Variants in PLCE1 observed in about 807,000 individuals in gnomAD.
PLCE1 encodes the protein 1-phosphatidylinositol 4,5-bisphosphate phosphodiesterase epsilon-1.
PLCE1 carries 119 observed loss-of-function variants against 242.8 expected under a neutral mutation model. That is an observed-to-expected ratio of 0.49 (90% CI 0.42 to 0.57). PLCE1 has a LOEUF of 0.57. Ranked by LOEUF, PLCE1 falls within the 20% of genes least tolerant of loss-of-function variation. PLCE1 has a pLI of 0.00. For synonymous variants in PLCE1, 945 were observed against 1,017.4 expected, an observed-to-expected ratio of 0.93 and a Z score of 1.35; for missense variants, 2,441 against 2,788.8, an observed-to-expected ratio of 0.88 and a Z score of 2.81.
At chr10:94,131,181 G>T (rs1043292844) in intron 2 of PLCE1, among the ~76,000 whole-genome samples, 1 of 152,204 alleles carries the variant, frequency 6.6e-6, no homozygotes, top group Non-Finnish European at 1.5e-5. Context: ...CCATCAGAGA[G>T]CTGGATTACC....
intron 1 of PLCE1, among the ~76,000 whole-genome samples, 146 bp downstream of exon 1, chr10:93,994,404 C>G (rs989991578): frequency 6.6e-6 from 1 of 152,206 alleles, no homozygotes; most frequent in East Asian, 1.9e-4. Flanking sequence ...TCCCGGGGGA[C>G]CCGAGGCGGG....
intron 4 of PLCE1, among the ~76,000 whole-genome samples, chr10:94,223,561 A>T (rs143438298): frequency 6.6e-6 from 1 of 152,308 alleles, no homozygotes; most frequent in East Asian, 1.9e-4. Context: ...CTATTTGGCT[A>T]AGCCCAAGAG....
chr10:94,109,584 G>C lies in PLCE1; in HGVS notation c.1207-22590G>C, dbSNP rs543008865. Among the ~76,000 whole-genome samples the C allele has an allele frequency of 2.6e-5, 4 of 152,108 alleles. No homozygotes were observed. In the South Asian group the frequency reaches 8.3e-4, roughly 32 times the overall value. The stretch of plus-strand genomic sequence containing the variant: ...GATTGTGCCACTGTACTCCAGCCTG[G>C]GTGACAGAGCGAGACTCTGTCTCAA... On this transcript the variant is annotated intron_variant, in intron 2 of 32. Transcript: ENST00000371380.
intron 1 of PLCE1, among the ~76,000 whole-genome samples, chr10:93,995,458 A>G (rs555883250): frequency 6.6e-6 from 1 of 151,924 alleles, no homozygotes; most frequent in African/African-American, 2.4e-5. Flanking sequence ...TCTGCTCTCT[A>G]CCTTCTGGGA....
At chr10:94,050,137 G>A (rs570694826) in intron 2 of PLCE1, among the ~76,000 whole-genome samples, 1 of 152,124 alleles carries the variant, frequency 6.6e-6, no homozygotes, top group East Asian at 1.9e-4. Flanking sequence ...TTTACTCCAC[G>A]TATTAGTCCA....
chr10:94,133,372 C>G (rs2046669424), intron 3 of PLCE1, among the ~76,000 whole-genome samples: 1 of 152,214 alleles, frequency 6.6e-6, no homozygotes. Flanking sequence ...TGGCAGTGCA[C>G]CAAACAACCT....
At chr10:94,277,541 G>A (rs535968396) in intron 19 of PLCE1, among the ~76,000 whole-genome samples, 1 of 152,200 alleles carries the variant, frequency 6.6e-6, no homozygotes, top group East Asian at 1.9e-4. Context: ...TGCTATTCGT[G>A]GTTCTTTGAG....
At chr10:94,172,043 T>C (rs1481920449) in intron 4 of PLCE1, among the ~76,000 whole-genome samples, 1 of 152,110 alleles carries the variant, frequency 6.6e-6, no homozygotes, top group East Asian at 1.9e-4. Flanking sequence ...CCCCAGAATA[T>C]CAATCCAAAG....
chr10:94,230,621 T>C (rs2050111640), intron 5 of PLCE1, among the ~76,000 whole-genome samples: 1 of 150,780 alleles, frequency 6.6e-6, no homozygotes, highest in Non-Finnish European at 1.5e-5. Context: ...TAAAAAACAA[T>C]TTTTTAAGAG....
At chr10:94,116,872 G>A (rs1328060121) in intron 2 of PLCE1, among the ~76,000 whole-genome samples, 3 of 152,138 alleles carry the variant, frequency 2.0e-5, no homozygotes, top group Admixed American at 2.0e-4. Flanking sequence ...GAATTGGAAA[G>A]GAGCAATTTG....
At chr10:94,165,209 G>A (rs773218352) in intron 3 of PLCE1, among the ~76,000 whole-genome samples, 1 of 152,148 alleles carries the variant, frequency 6.6e-6, no homozygotes, top group East Asian at 1.9e-4. Context: ...TCTGCCTTTT[G>A]TTTGCCCTGC....
chr10:94,308,916 C>T (rs577521739), intron 27 of PLCE1, among the ~76,000 whole-genome samples: 1 of 152,294 alleles, frequency 6.6e-6, no homozygotes, highest in East Asian at 1.9e-4. Context: ...TTAGTATCAT[C>T]TCCATTTTGC....
intron 2 of PLCE1, among the ~76,000 whole-genome samples, chr10:94,090,408 A>T (rs1055573950): frequency 6.6e-6 from 1 of 152,188 alleles, no homozygotes; most frequent in Non-Finnish European, 1.5e-5. Flanking sequence ...TTCCTTCTAC[A>T]ACCCTGAGAG....
chr10:94,190,849 A>C (rs1255247315), intron 4 of PLCE1, among the ~76,000 whole-genome samples: 1 of 152,258 alleles, frequency 6.6e-6, no homozygotes, highest in Non-Finnish European at 1.5e-5. Context: ...CGTGTGCTAG[A>C]TTGGTGATGC....
intron 3 of PLCE1, among the ~76,000 whole-genome samples, chr10:94,150,101 A>G (rs2047227635): frequency 6.6e-6 from 1 of 152,184 alleles, no homozygotes; most frequent in East Asian, 1.9e-4. Flanking sequence ...AAACAAGTAG[A>G]TGTTAACACA....
At chr10:94,094,157 G>T (rs1215051821) in intron 2 of PLCE1, among the ~76,000 whole-genome samples, 4 of 148,468 alleles carry the variant, frequency 2.7e-5, no homozygotes, top group Non-Finnish European at 5.9e-5. Context: ...TAGCCGGGAT[G>T]GTCTCGATCT....
At chr10:94,280,336 T>C (rs966418083) in intron 20 of PLCE1, 2 of 184,946 alleles carry the variant, frequency 1.1e-5, no homozygotes, top group Non-Finnish European at 2.3e-5. Flanking sequence ...GGCATTCTAG[T>C]AGTGAAAAGA....
At position 94,329,797 on chromosome 10, in the gene PLCE1, A is replaced by C. The variant is rs1279767684; in HGVS notation, c.*1854A>C. 1 of 150,376 alleles carries C rather than the reference A, an allele frequency of 6.6e-6. No homozygotes were observed. Among genetic ancestry groups the C allele is most frequent in the Non-Finnish European group, 1.5e-5 (1 of 67,848 alleles). The allele number at this position is 150,376 out of a possible 1,614,324, so 9.3% of individuals were successfully genotyped here. ...GTCTCAAAAAAAAAAAAAAAAAAAAAAAAAAAAAAAAAAACACCATACAGC... is the reference window on the plus strand; with the variant it reads ...GTCTCAAAAAAAAAAAAAAAAAAAACAAAAAAAAAAAAAACACCATACAGC... On this transcript the variant is annotated 3_prime_UTR_variant, in exon 33 of 33. Coordinates refer to ENST00000371380, the MANE Select transcript of PLCE1 (RefSeq NM_016341.4).
At chr10:94,265,539 G>GATGA in intron 14 of PLCE1, 108 bp from the exon 15 acceptor site, 1 of 952,992 alleles carries the variant, frequency 1.0e-6, no homozygotes, top group Non-Finnish European at 1.7e-6. Flanking sequence ...ATTTGGTTTA[G>GATGA]ATGTTTCCTG....
Sources: allele counts gnomAD v4.1 joint callset (sites outside exome capture counted in the v4.1 genomes callset), GRCh38; gene constraint gnomAD v4.1.1; transcripts MANE v1.5; gene names NCBI Gene and HGNC (gene_info 2026-07-23, HGNC 2026-07-21).